Variants in WDR72 observed in about 807,000 individuals in gnomAD.
The protein encoded by WDR72 is WD repeat-containing protein 72.
In WDR72, 120 loss-of-function variants were observed where a neutral mutation model predicts 124.2. That is an observed-to-expected ratio of 0.97 (90% CI 0.83 to 1.12). WDR72 has a LOEUF of 1.12. Among genes scored for constraint, WDR72 ranks in the 50% most tolerant of loss-of-function variants. The probability of loss-of-function intolerance (pLI) is 0.00; values close to 1 mark genes in which losing one functional copy is unlikely to be tolerated. For missense variants in WDR72, 1,387 were observed against 1,278.8 expected, an observed-to-expected ratio of 1.08 and a Z score of -1.29; for synonymous variants, 452 against 441.7, an observed-to-expected ratio of 1.02 and a Z score of -0.29.
chr15:53,621,511 A>G (rs753225634), intron 14 of WDR72, among the ~76,000 whole-genome samples: 4 of 150,154 alleles, frequency 2.7e-5, no homozygotes, highest in Non-Finnish European at 5.9e-5. Context: ...GAGATTGGAG[A>G]CTATTATTCT....
intron 13 of WDR72, chr15:53,684,770 C>CA (rs372273091): frequency 6.5e-6 from 1 of 153,020 alleles, no homozygotes; most frequent in African/African-American, 2.4e-5. Context: ...CACAGACAAA[C>CA]AAAAAAGACA....
chr15:53,637,788 G>A (rs2014679005), intron 14 of WDR72, among the ~76,000 whole-genome samples: 1 of 151,974 alleles, frequency 6.6e-6, no homozygotes, highest in South Asian at 2.1e-4. Flanking sequence ...CAACTCTTTA[G>A]CAATGACTTT....
At chr15:53,707,981 T>C (rs1165453804) in intron 9 of WDR72, among the ~76,000 whole-genome samples, 7 of 152,162 alleles carry the variant, frequency 4.6e-5, no homozygotes, top group Admixed American at 4.6e-4. Context: ...CAGCTGGTGC[T>C]TTGCCTCTGG....
In WDR72 at chr15:53,515,008, C is replaced by T. The variant is rs1891355357; in HGVS notation, c.*2691G>A. 1.5e-5 allele frequency: 1 copy of T among 65,304 alleles called. No homozygotes were observed. The highest frequency in any genetic ancestry group is 3.2e-5 in the Non-Finnish European group (1 of 31,516). 4.0% of individuals were successfully genotyped at this position (65,304 alleles called of 1,614,324 possible). Reference sequence around the variant, plus strand: ...TATGATATTCCTTTGGGGGATATGCCATATATATATATATATACACACATA... The same window carrying T: ...TATGATATTCCTTTGGGGGATATGCTATATATATATATATATACACACATA... On this transcript the variant is annotated 3_prime_UTR_variant, in exon 20 of 20. Transcript: ENST00000360509.
chr15:53,724,594 C>T (rs62007998), intron 2 of WDR72, among the ~76,000 whole-genome samples: 47,070 of 151,934 alleles, frequency 0.31, 8,281 homozygotes, highest in East Asian at 0.45. Flanking sequence ...CATAGGATCT[C>T]GCGAGAACTC....
chr15:53,679,601 C>T (rs1390236626), intron 13 of WDR72, among the ~76,000 whole-genome samples: 1 of 151,936 alleles, frequency 6.6e-6, no homozygotes, highest in Non-Finnish European at 1.5e-5. Flanking sequence ...TACCTGTGAC[C>T]CAGAGCATGG....
Position 53,726,204 on chromosome 15 carries a change from A to G in WDR72, c.154-3296T>C, listed in dbSNP as rs11633293. 2.8e-3 allele frequency among the ~76,000 whole-genome samples: 327 copies of G among 118,048 alleles called. 1 individual carries two copies. The highest frequency in any genetic ancestry group is 0.01 in the African/African-American group (276 of 27,244). The allele number at this position is 118,048 out of a possible 152,430, so 77.4% of individuals were successfully genotyped here. ...TATATATATATATATGTGTGTGTGT[A>G]TATATATATGTATGTGTATATATAT... is the stretch of plus-strand genomic sequence containing the variant. On this transcript the variant is annotated intron_variant, in intron 2 of 19. Transcript: ENST00000360509.
At chr15:53,544,958 A>G (rs1356628410) in intron 18 of WDR72, among the ~76,000 whole-genome samples, 5,222 of 144,508 alleles carry the variant, frequency 0.036, 264 homozygotes, top group African/African-American at 0.12. Context: ...CTTACAAGGG[A>G]TGTGAAGGAC....
At chr15:53,730,945 G>GA (rs1165475722) in intron 2 of WDR72, among the ~76,000 whole-genome samples, 3 of 149,446 alleles carry the variant, frequency 2.0e-5, no homozygotes, top group Non-Finnish European at 4.4e-5. Flanking sequence ...TAGTTGCAAT[G>GA]TGGGGGGGCA....
chr15:53,597,407 T>C (rs1437072077), intron 17 of WDR72, 133 bp from the exon 18 acceptor site: 16 of 847,372 alleles, frequency 1.9e-5, no homozygotes, highest in Non-Finnish European at 2.5e-5. Flanking sequence ...ACTTCTAGAA[T>C]TAGCATCCAC....
At chr15:53,742,282 A>G (rs1275505517) in intron 1 of WDR72, among the ~76,000 whole-genome samples, 2 of 152,214 alleles carry the variant, frequency 1.3e-5, no homozygotes. Flanking sequence ...AAGTGAAAAT[A>G]AACCTCAAAG....
At chr15:53,643,425 T>G (rs904415280) in intron 14 of WDR72, among the ~76,000 whole-genome samples, 2 of 152,114 alleles carry the variant, frequency 1.3e-5, no homozygotes, top group East Asian at 3.9e-4. Context: ...TTCTGAAATG[T>G]CTCTCCTTCT....
Position 53,615,632 on chromosome 15 carries a change from T to G in WDR72, c.2574A>C (p.Ser858=). The change falls in exon 15 of 20, where the codon TCA becomes TCC. Residue 858 remains serine (S), a synonymous_variant. Coordinates refer to ENST00000360509, the MANE Select transcript of WDR72 (RefSeq NM_182758.4). ...CTTTCCTGGAAAATAAATTTACTCC[T>G]GAATAGTCTTTTATCATTCCACTAT... is the stretch of plus-strand genomic sequence containing the variant. ...LCNSGMIKDY[S]GVNLFSRKVL... The G allele has an allele frequency of 6.2e-7, 1 of 1,612,566 alleles. No homozygotes were observed. Among genetic ancestry groups the G allele is most frequent in the Non-Finnish European group, 8.5e-7 (1 of 1,179,090 alleles).
intron 2 of WDR72, among the ~76,000 whole-genome samples, chr15:53,724,231 T>C (rs867984601): frequency 2.0e-5 from 3 of 152,196 alleles, no homozygotes; most frequent in Non-Finnish European, 4.4e-5. Flanking sequence ...AATGTACACA[T>C]GGTGACTATA....
rs1294724877 is a variant in WDR72 at position 53,665,526 on chromosome 15, T to G, written c.1962+46A>C. 8 of 1,607,142 alleles carry G rather than the reference T, an allele frequency of 5.0e-6. No homozygotes were observed. The East Asian group carries it at 1.8e-4, about 36-fold the overall frequency. ...TTTATGAATGCATATAACTTCTTATTCGGTTGATAATGTTCTTTGTGAACA... is the reference window on the plus strand; with the variant it reads ...TTTATGAATGCATATAACTTCTTATGCGGTTGATAATGTTCTTTGTGAACA... On this transcript the variant is annotated intron_variant, in intron 14 of 19. Transcript: ENST00000360509.
intron 1 of WDR72, among the ~76,000 whole-genome samples, chr15:53,741,823 G>A (rs1437168585): frequency 6.6e-6 from 1 of 151,852 alleles, no homozygotes; most frequent in Non-Finnish European, 1.5e-5. Context: ...TGCCTCCCAA[G>A]TTCAAGCGAT....
intron 18 of WDR72, among the ~76,000 whole-genome samples, chr15:53,543,830 G>T (rs1183334236): frequency 1.3e-5 from 2 of 152,192 alleles, no homozygotes; most frequent in African/African-American, 4.8e-5. Flanking sequence ...CGATCCCACA[G>T]AAATACAAAC....
At chr15:53,657,124 T>C (rs1374923652) in intron 14 of WDR72, among the ~76,000 whole-genome samples, 2 of 151,200 alleles carry the variant, frequency 1.3e-5, no homozygotes, top group Non-Finnish European at 3.0e-5. Flanking sequence ...ATTAGCCGGT[T>C]GTGGTGGCAT....
chr15:53,578,781 T>A (rs150069597), intron 18 of WDR72, among the ~76,000 whole-genome samples: 28 of 152,190 alleles, frequency 1.8e-4, no homozygotes, highest in African/African-American at 5.5e-4. Flanking sequence ...AGTCCCCTTT[T>A]CTCTTTCAGC....
Sources: gnomAD v4.1 joint callset for allele counts (sites outside exome capture counted in the v4.1 genomes callset) on GRCh38, gnomAD v4.1.1 for gene constraint, MANE v1.5 for transcripts, NCBI Gene and HGNC (gene_info 2026-07-23, HGNC 2026-07-21) for gene names.